DDHD1: variants seen among roughly 807,000 people sequenced by gnomAD.
DDHD1 encodes DDHD domain containing 1, also known as phospholipase DDHD1.
In DDHD1, 49 loss-of-function variants were observed where a neutral mutation model predicts 96.4. That is an observed-to-expected ratio of 0.51 (90% confidence interval 0.40 to 0.64). The LOEUF (loss-of-function observed/expected upper bound fraction) is 0.64. DDHD1 is among the 30% of genes least tolerant of loss of function. The probability of loss-of-function intolerance (pLI) is 0.00; values close to 1 mark genes in which losing one functional copy is unlikely to be tolerated. For missense variants in DDHD1, 1,106 were observed against 1,161.2 expected (o/e 0.95, Z 0.69); for synonymous variants, 442 against 446.5 (o/e 0.99, Z 0.13).
In DDHD1 at chr14:53,152,678, C is replaced by T. The variant is rs1891521449; in HGVS notation, c.421G>A (p.Gly141Arg). 3.1e-6 allele frequency: 5 copies of T among 1,612,598 alleles called. No homozygotes were observed. Among genetic ancestry groups the T allele is most frequent in the Non-Finnish European group, 4.2e-6 (5 of 1,179,668 alleles). Reference sequence around the variant, plus strand: ...CCAAGCCGGGTACGTTTCCTTTCCCCGGGGGACCCTCCTGTCGCGCCGCCG... The same window carrying T: ...CCAAGCCGGGTACGTTTCCTTTCCCTGGGGGACCCTCCTGTCGCGCCGCCG... ...GGGGATGGSP[G>R]ERKRTRLGGP... The change falls in exon 1 of 13, where the codon GGG becomes AGG. Residue 141 changes from glycine (G) to arginine (R), a missense_variant. By Grantham distance (125) the Gly-to-Arg change is moderately radical. This residue lies in a region of DDHD1 where 456 missense variants were observed against 402.4 expected (regional missense o/e 1.13). Transcript: ENST00000673822.
intron 9 of DDHD1, among the ~76,000 whole-genome samples, chr14:53,056,621 T>C (rs1292483490): frequency 6.6e-6 from 1 of 152,080 alleles, no homozygotes; most frequent in Non-Finnish European, 1.5e-5. Context: ...GCATGATGCT[T>C]GTTAAGTCAC....
rs188527689 is a variant in DDHD1 at position 53,059,744 on chromosome 14, A to G, written c.1843-1118T>C. On this transcript the variant is annotated intron_variant, in intron 8 of 12. Transcript: ENST00000673822. ...CTGGGCGTGGTGGCGGGCACCTGTAATCCCAGCTACTCGGGAGGCTGAGGC... is the reference window on the plus strand; with the variant it reads ...CTGGGCGTGGTGGCGGGCACCTGTAGTCCCAGCTACTCGGGAGGCTGAGGC... Among the ~76,000 whole-genome samples, 714 of 149,278 alleles carry G rather than the reference A, an allele frequency of 4.8e-3. 4 individuals carry two copies. The highest frequency in any genetic ancestry group is 0.017 in the African/African-American group (687 of 40,958).
intron 1 of DDHD1, 150 bp from the exon 2 acceptor site, chr14:53,104,006 T>C (rs1178203368): frequency 1.5e-6 from 1 of 688,642 alleles, no homozygotes; most frequent in Non-Finnish European, 2.3e-6. Flanking sequence ...TATTTATGTT[T>C]ATTTATTTTG....
intron 4 of DDHD1, among the ~76,000 whole-genome samples, chr14:53,090,521 A>G (rs1252722339): frequency 6.6e-6 from 1 of 152,256 alleles, no homozygotes; most frequent in African/African-American, 2.4e-5. Context: ...TGACACATAT[A>G]CACCATGGAA....
chr14:53,138,193 T>C (rs560335292), intron 1 of DDHD1, among the ~76,000 whole-genome samples: 2 of 152,244 alleles, frequency 1.3e-5, no homozygotes, highest in East Asian at 3.9e-4. Context: ...TCACTTGAGG[T>C]CAGGAGTTCA....
rs566241656 is a variant in DDHD1 at position 53,102,834 on chromosome 14, C to G, written c.1012+849G>C. On this transcript the variant is annotated intron_variant, in intron 2 of 12. Transcript: ENST00000673822. ...AGCTTCATTCTGTAAATCACCTGAT[C>G]AATATTGAGTTTTTCTGCTTTAGAG... Among the ~76,000 whole-genome samples, 4 of 151,146 alleles carry G rather than the reference C, an allele frequency of 2.6e-5. No homozygotes were observed. The East Asian group carries it at 7.8e-4, about 29-fold the overall frequency.
At chr14:53,151,523 T>C (rs1312606314) in intron 1 of DDHD1, among the ~76,000 whole-genome samples, 1 of 152,230 alleles carries the variant, frequency 6.6e-6, no homozygotes, top group African/African-American at 2.4e-5. Flanking sequence ...TTCCAAGCCC[T>C]TGAAGTATAT....
intron 1 of DDHD1, among the ~76,000 whole-genome samples, chr14:53,131,614 C>T (rs1426935243): frequency 1.3e-5 from 2 of 152,144 alleles, no homozygotes; most frequent in African/African-American, 4.8e-5. Context: ...CTGACCCAGA[C>T]ACCCATCAGT....
chr14:53,064,868 A>G (rs139156677), intron 6 of DDHD1, among the ~76,000 whole-genome samples: 215 of 152,270 alleles, frequency 1.4e-3, no homozygotes, highest in African/African-American at 5.0e-3. Flanking sequence ...TCCGCTCATC[A>G]GTGAAAGGAG....
chr14:53,146,186 A>G (rs1890966336), intron 1 of DDHD1, among the ~76,000 whole-genome samples: 1 of 150,806 alleles, frequency 6.6e-6, no homozygotes, highest in Non-Finnish European at 1.5e-5. Context: ...AGCCTGGGCA[A>G]ATAAGAGTGA....
intron 9 of DDHD1, among the ~76,000 whole-genome samples, chr14:53,057,784 C>T (rs1487541332): frequency 6.6e-6 from 1 of 152,192 alleles, no homozygotes; most frequent in Admixed American, 6.5e-5. Context: ...AACCAAAACA[C>T]ACGTTTAATA....
chr14:53,144,747 A>G (rs754681699), intron 1 of DDHD1, among the ~76,000 whole-genome samples: 1 of 152,208 alleles, frequency 6.6e-6, no homozygotes, highest in Non-Finnish European at 1.5e-5. Flanking sequence ...AGTTGCTATT[A>G]AGTAGTTGCA....
At chr14:53,120,572 A>G (rs1280924792) in intron 1 of DDHD1, among the ~76,000 whole-genome samples, 1 of 152,222 alleles carries the variant, frequency 6.6e-6, no homozygotes, top group Non-Finnish European at 1.5e-5. Context: ...AGTAACCAAA[A>G]CAGCATGGTA....
chr14:53,139,063 G>A (rs552288323), intron 1 of DDHD1, among the ~76,000 whole-genome samples: 2 of 114,546 alleles, frequency 1.7e-5, no homozygotes, highest in East Asian at 5.7e-4. Context: ...GCTGGGAAAA[G>A]GTAATAGGAG....
intron 4 of DDHD1, among the ~76,000 whole-genome samples, chr14:53,077,077 G>A (rs1403999971): frequency 6.6e-6 from 1 of 152,126 alleles, no homozygotes; most frequent in South Asian, 2.1e-4. Context: ...GTTACTCAGA[G>A]TCCGATTTTC....
chr14:53,150,598 T>G (rs1891275962), intron 1 of DDHD1, among the ~76,000 whole-genome samples: 1 of 152,210 alleles, frequency 6.6e-6, no homozygotes, highest in Admixed American at 6.5e-5. Flanking sequence ...AATCTAAGGG[T>G]AAGATTCATC....
At chr14:53,086,972 C>CAAAAAAAAAAAAAAAAAA (rs60569444) in intron 4 of DDHD1, among the ~76,000 whole-genome samples, 2 of 52,206 alleles carry the variant, frequency 3.8e-5, no homozygotes, top group African/African-American at 7.2e-5. Context: ...AAATGAAAAG[C>CAAAAAAAAAAAAAAAAAA]AAAAAAAAAA....
chr14:53,057,114 C>G (rs1038349555), intron 9 of DDHD1, among the ~76,000 whole-genome samples: 2 of 152,114 alleles, frequency 1.3e-5, no homozygotes, highest in African/African-American at 4.8e-5. Flanking sequence ...ACTTCCAGTT[C>G]AGTGAAGTTA....
At chr14:53,100,006 G>A (rs1301957638) in intron 2 of DDHD1, among the ~76,000 whole-genome samples, 1 of 151,966 alleles carries the variant, frequency 6.6e-6, no homozygotes, top group African/African-American at 2.4e-5. Context: ...ATTAAATACA[G>A]TTGGCACTCC....
Sources: allele counts gnomAD v4.1 joint callset (sites outside exome capture counted in the v4.1 genomes callset), GRCh38; gene constraint gnomAD v4.1.1; regional missense constraint gnomAD v4.1.1; transcripts MANE v1.5; gene names NCBI Gene and HGNC (gene_info 2026-07-23, HGNC 2026-07-21).